Variants in MYO10 observed in about 807,000 individuals in gnomAD.
MYO10 encodes the protein myosin X, also known as unconventional myosin-X.
Under a neutral mutation model 257.3 loss-of-function variants are expected in MYO10, and 133 were observed. That is an observed-to-expected ratio of 0.52 (90% CI 0.45 to 0.60). MYO10 has a LOEUF of 0.60. MYO10 is among the 20% of genes least tolerant of loss of function. The probability of loss-of-function intolerance (pLI) is 0.00; values close to 1 mark genes in which losing one functional copy is unlikely to be tolerated. For missense variants in MYO10, 2,399 were observed against 2,635.7 expected (o/e 0.91, Z 1.97); for synonymous variants, 1,104 against 1,028.6 (o/e 1.07, Z -1.40).
At chr5:16,866,054 C>CACACAT (rs1252247880) in intron 2 of MYO10, among the ~76,000 whole-genome samples, 1 of 147,064 alleles carries the variant, frequency 6.8e-6, no homozygotes, top group African/African-American at 2.5e-5. Context: ...CACACACACA[C>CACACAT]ACACAAAACA....
intron 5 of MYO10, 40 bp from the exon 6 acceptor site, chr5:16,781,869 G>A: frequency 1.2e-6 from 2 of 1,611,024 alleles, no homozygotes; most frequent in East Asian, 2.2e-5. Context: ...ATTAATAAGG[G>A]TGGGTCTGAA....
intron 27 of MYO10, among the ~76,000 whole-genome samples, chr5:16,691,891 G>A (rs1295729382): frequency 2.0e-5 from 3 of 152,114 alleles, no homozygotes; most frequent in Non-Finnish European, 4.4e-5. Flanking sequence ...AGAGAAACAC[G>A]TTCAAACACA....
At chr5:16,776,469 A>C (rs1720593019) in intron 9 of MYO10, among the ~76,000 whole-genome samples, 1 of 152,182 alleles carries the variant, frequency 6.6e-6, no homozygotes, top group South Asian at 2.1e-4. Flanking sequence ...AGTAATTGCA[A>C]ATTAGATATT....
intron 23 of MYO10, 59 bp downstream of exon 23, chr5:16,702,865 AC>A: frequency 7.0e-7 from 1 of 1,437,028 alleles, no homozygotes; most frequent in Middle Eastern, 1.7e-4. Context: ...ACAGACAGAT[AC>A]CGAGCACAGC....
chr5:16,795,809 G>T (rs1469559395), intron 3 of MYO10, among the ~76,000 whole-genome samples: 11 of 151,972 alleles, frequency 7.2e-5, no homozygotes, highest in Non-Finnish European at 1.6e-4. Context: ...TGACTGAATT[G>T]TACACTTCAA....
At chr5:16,911,627 G>T (rs561473402) in intron 1 of MYO10, among the ~76,000 whole-genome samples, 2 of 152,248 alleles carry the variant, frequency 1.3e-5, no homozygotes, top group South Asian at 4.1e-4. Flanking sequence ...AGCTACTTGG[G>T]TAACTGAGGC....
At position 16,927,026 on chromosome 5, in the gene MYO10, G is replaced by C. The variant is rs563714413; in HGVS notation, c.21+8762C>G. ...TTCTGCCCTAATGACAGATGTATTTGTCCAGGCAGAGTAGAAGCCATTTTA... is the reference window on the plus strand; with the variant it reads ...TTCTGCCCTAATGACAGATGTATTTCTCCAGGCAGAGTAGAAGCCATTTTA... On this transcript the variant is annotated intron_variant, in intron 1 of 40. Coordinates refer to ENST00000513610, the MANE Select transcript of MYO10 (RefSeq NM_012334.3). Among the ~76,000 whole-genome samples the C allele has an allele frequency of 2.6e-3, 389 of 152,236 alleles. 2 individuals are homozygous for C. The highest frequency in any genetic ancestry group is 8.2e-3 in the African/African-American group (340 of 41,548).
intron 2 of MYO10, among the ~76,000 whole-genome samples, chr5:16,845,475 T>C (rs1299935867): frequency 1.3e-5 from 2 of 152,074 alleles, no homozygotes; most frequent in Non-Finnish European, 2.9e-5. Context: ...CGCACCAGCC[T>C]GGGCAACAAA....
intron 19 of MYO10, among the ~76,000 whole-genome samples, chr5:16,724,183 G>A (rs1739265006): frequency 6.6e-6 from 1 of 152,100 alleles, no homozygotes. Context: ...AATAACGCTG[G>A]AAACATATAG....
chr5:16,838,517 T>C (rs940711364), intron 2 of MYO10, among the ~76,000 whole-genome samples: 22 of 152,084 alleles, frequency 1.4e-4, no homozygotes, highest in South Asian at 2.1e-4. Flanking sequence ...GATTCGTTGA[T>C]GAGATTTAAG....
At chr5:16,764,482 C>T in intron 11 of MYO10, 86 bp from the exon 12 acceptor site, 1 of 1,480,144 alleles carries the variant, frequency 6.8e-7, no homozygotes, top group Non-Finnish European at 9.2e-7. Context: ...GAGAGACACA[C>T]ACAAGACTAG....
At chr5:16,812,280 G>A (rs557471573) in intron 3 of MYO10, among the ~76,000 whole-genome samples, 19 of 152,332 alleles carry the variant, frequency 1.2e-4, no homozygotes. Flanking sequence ...GGGCATAGAA[G>A]GCCGGGCTTC....
intron 2 of MYO10, among the ~76,000 whole-genome samples, chr5:16,866,406 T>C (rs1034221736): frequency 6.6e-6 from 1 of 152,246 alleles, no homozygotes; most frequent in African/African-American, 2.4e-5. Flanking sequence ...AGATCAATGA[T>C]AAGCTAAAAG....
chr5:16,913,519 G>A (rs1488706029), intron 1 of MYO10, among the ~76,000 whole-genome samples: 2 of 152,190 alleles, frequency 1.3e-5, no homozygotes, highest in African/African-American at 4.8e-5. Context: ...TGTGAATGAA[G>A]TCACTTTTGC....
intron 3 of MYO10, among the ~76,000 whole-genome samples, chr5:16,803,258 T>C (rs1742175756): frequency 6.6e-6 from 1 of 151,908 alleles, no homozygotes; most frequent in African/African-American, 2.4e-5. Flanking sequence ...ACCCTGTCTC[T>C]ACAAAAAATA....
At chr5:16,918,172 G>C (rs996948829) in intron 1 of MYO10, among the ~76,000 whole-genome samples, 8 of 152,108 alleles carry the variant, frequency 5.3e-5, no homozygotes, top group African/African-American at 1.7e-4. Flanking sequence ...CATTAAACTT[G>C]AAAGAAACAG....
intron 19 of MYO10, among the ~76,000 whole-genome samples, chr5:16,730,712 G>C (rs1376137398): frequency 6.6e-6 from 1 of 152,196 alleles, no homozygotes; most frequent in African/African-American, 2.4e-5. Flanking sequence ...GCCCCTGTGA[G>C]AATTACTAGG....
rs1736042206 is a variant in MYO10 at position 16,663,328 on chromosome 5, G to GTTTGTTTTT, written c.*3363_*3364insAAAAACAAA. 16 of 76,888 alleles carry GTTTGTTTTT rather than the reference G, an allele frequency of 2.1e-4. No homozygotes were observed. The highest frequency in any genetic ancestry group is 1.0e-3 in the African/African-American group (16 of 15,522). The allele number at this position is 76,888 out of a possible 1,614,324, so 4.8% of individuals were successfully genotyped here. A position where few individuals can be genotyped will look rare whatever the true frequency, so the allele number is the denominator to read the frequency against. ...AAAAAGTAACATTTTACTTCTAGTT[G>GTTTGTTTTT]TTTTTTTTTTTTTTTTTTTTTTTTT... On this transcript the variant is annotated 3_prime_UTR_variant, in exon 41 of 41. Transcript: ENST00000513610.
At chr5:16,930,730 C>T (rs146420178) in intron 1 of MYO10, among the ~76,000 whole-genome samples, 12 of 152,294 alleles carry the variant, frequency 7.9e-5, no homozygotes, top group Non-Finnish European at 1.5e-4. Context: ...GGAACTATTA[C>T]GCCCATTTAC....
Sources: gnomAD v4.1 joint callset for allele counts (sites outside exome capture counted in the v4.1 genomes callset) on GRCh38, gnomAD v4.1.1 for gene constraint, MANE v1.5 for transcripts, NCBI Gene and HGNC (gene_info 2026-07-23, HGNC 2026-07-21) for gene names.